The following FERMT1 variants were observed in gnomAD, a reference collection of about 807,000 sequenced individuals.
The protein encoded by FERMT1 is FERM domain containing kindlin 1, also known as fermitin family homolog 1.
A neutral mutation model predicts 85.3 loss-of-function variants in FERMT1; 60 were observed. That is an observed-to-expected ratio of 0.70 (90% CI 0.57 to 0.87). FERMT1 has a LOEUF of 0.87. Among genes scored for constraint, FERMT1 ranks in the 40% least tolerant of loss-of-function variants. The probability of loss-of-function intolerance (pLI) is 0.00; values close to 1 mark genes in which losing one functional copy is unlikely to be tolerated. For missense variants in FERMT1, 701 were observed against 818.9 expected, an observed-to-expected ratio of 0.86 and a Z score of 1.76; for synonymous variants, 275 against 301.1, an observed-to-expected ratio of 0.91 and a Z score of 0.90.
In FERMT1 at chr20:6,075,863, C is replaced by CA; in HGVS notation, c.*1309_*1310insT. The CA allele has an allele frequency of 6.6e-6, 1 of 152,474 alleles. No homozygotes were observed. The highest frequency in any genetic ancestry group is 1.9e-4 in the East Asian group (1 of 5,328). 9.4% of individuals were successfully genotyped at this position (152,474 alleles called of 1,614,324 possible). ...AAATATTGTCTGATATTTCCCTTTA[C>CA]TTCTGGTATTGCTTTTGACCTTCTC... On this transcript the variant is annotated 3_prime_UTR_variant, in exon 15 of 15. Coordinates refer to ENST00000217289, the MANE Select transcript of FERMT1 (RefSeq NM_017671.5).
chr20:6,111,424 G>T (rs911057056), intron 4 of FERMT1, among the ~76,000 whole-genome samples: 1 of 152,192 alleles, frequency 6.6e-6, no homozygotes, highest in South Asian at 2.1e-4. Context: ...TTGAGGCCAG[G>T]AGTTTGAGAC....
chr20:6,092,750 C>T (rs1452251826), intron 9 of FERMT1, among the ~76,000 whole-genome samples: 1 of 152,184 alleles, frequency 6.6e-6, no homozygotes, highest in East Asian at 1.9e-4. Context: ...TCAGTTCTCA[C>T]TTCCTGCTTC....
Position 6,076,584 on chromosome 20 carries a change from C to T in FERMT1, c.*589G>A, listed in dbSNP as rs1339680615. ...GGACAGATGACACTGAGGGCCACTC[C>T]TCTGACCTTGGGTTGTCAACTGCTA... On this transcript the variant is annotated 3_prime_UTR_variant, in exon 15 of 15. Coordinates refer to ENST00000217289, the MANE Select transcript of FERMT1 (RefSeq NM_017671.5). 6.8e-6 allele frequency: 3 copies of T among 439,342 alleles called. No individual in the cohort carries two copies. The highest frequency in any genetic ancestry group is 1.4e-5 in the Non-Finnish European group (3 of 217,894). 27.2% of individuals were successfully genotyped at this position (439,342 alleles called of 1,614,324 possible).
chr20:6,092,578 A>G (rs1484840853), intron 9 of FERMT1, among the ~76,000 whole-genome samples: 1 of 152,148 alleles, frequency 6.6e-6, no homozygotes, highest in Non-Finnish European at 1.5e-5. Context: ...TGTGTGTGAC[A>G]CAGCCTTGGC....
intron 13 of FERMT1, 28 bp downstream of exon 13, chr20:6,084,012 G>A (rs1982088271): frequency 1.2e-6 from 2 of 1,613,944 alleles, no homozygotes; most frequent in Non-Finnish European, 1.7e-6. Flanking sequence ...AATGGAAAGT[G>A]TGAGAAACAA....
intron 13 of FERMT1, among the ~76,000 whole-genome samples, chr20:6,080,939 A>C (rs187738328): frequency 6.6e-6 from 1 of 152,354 alleles, no homozygotes; most frequent in East Asian, 1.9e-4. Flanking sequence ...ATGAAGTCAA[A>C]AGAATGGCTG....
intron 5 of FERMT1, among the ~76,000 whole-genome samples, chr20:6,108,537 C>T (rs745417722): frequency 2.0e-4 from 31 of 152,016 alleles, no homozygotes; most frequent in Non-Finnish European, 2.6e-4. Flanking sequence ...CAGCAGGGTG[C>T]GGGGACTCAT....
At chr20:6,103,767 G>GTTTTTTTTTTTTTTTTT (rs66482243) in intron 6 of FERMT1, among the ~76,000 whole-genome samples, 1 of 102,072 alleles carries the variant, frequency 9.8e-6, no homozygotes, top group Non-Finnish European at 2.0e-5. Context: ...CTTTGTTATA[G>GTTTTTTTTTTTTTTTTT]TTTTTTTTTT....
At chr20:6,110,567 C>T (rs1465775106) in intron 4 of FERMT1, 56 bp from the exon 5 acceptor site, 1 of 1,322,374 alleles carries the variant, frequency 7.6e-7, no homozygotes, top group Admixed American at 1.7e-5. Flanking sequence ...TATAAATCTT[C>T]AAGAAAATAT....
intron 5 of FERMT1, among the ~76,000 whole-genome samples, chr20:6,110,027 A>T (rs1600445193): frequency 6.6e-6 from 1 of 152,332 alleles, no homozygotes; most frequent in Non-Finnish European, 1.5e-5. Context: ...TACATCCCAC[A>T]AAATATACTT....
chr20:6,085,604 C>T (rs566939735), intron 11 of FERMT1, among the ~76,000 whole-genome samples: 1 of 152,266 alleles, frequency 6.6e-6, no homozygotes, highest in East Asian at 1.9e-4. Context: ...TCATCCTCAA[C>T]TTTGGGAGGT....
At chr20:6,122,136 G>T (rs1459979878) in intron 1 of FERMT1, among the ~76,000 whole-genome samples, 1 of 152,142 alleles carries the variant, frequency 6.6e-6, no homozygotes, top group African/African-American at 2.4e-5. Flanking sequence ...ACTCATTCAG[G>T]CAATAGATGC....
At chr20:6,086,520 C>T (rs1426523933) in intron 11 of FERMT1, among the ~76,000 whole-genome samples, 4 of 152,124 alleles carry the variant, frequency 2.6e-5, no homozygotes, top group Middle Eastern at 3.2e-3. Context: ...GGGTGAGGAA[C>T]GTTGAATTAC....
intron 6 of FERMT1, among the ~76,000 whole-genome samples, chr20:6,102,697 A>AG (rs1381568986): frequency 1.5e-3 from 189 of 129,072 alleles, no homozygotes; most frequent in African/African-American, 5.1e-3. Flanking sequence ...AAAAAAAAAA[A>AG]AAAAGAAAAG....
chr20:6,079,352 C>A (rs1568652003), intron 14 of FERMT1, 84 bp downstream of exon 14: 19 of 1,406,688 alleles, frequency 1.4e-5, no homozygotes, highest in Non-Finnish European at 1.4e-5. Context: ...TAGAAGAACA[C>A]CTTTTAAAAC....
At chr20:6,078,025 C>T (rs1302332550) in intron 14 of FERMT1, among the ~76,000 whole-genome samples, 1 of 152,216 alleles carries the variant, frequency 6.6e-6, no homozygotes, top group Non-Finnish European at 1.5e-5. Flanking sequence ...TTTCCTACAG[C>T]CACTGCCCGG....
intron 11 of FERMT1, among the ~76,000 whole-genome samples, chr20:6,087,253 C>A (rs1470279834): frequency 6.6e-6 from 1 of 152,200 alleles, no homozygotes; most frequent in African/African-American, 2.4e-5. Flanking sequence ...TGACACCATC[C>A]TGGATCATCC....
Position 6,079,486 on chromosome 20 carries a change from A to G in FERMT1, c.1810T>C (p.Trp604Arg), listed in dbSNP as rs146487226. ...CACTGTTTGATATTTGTGAATCTCC[A>G]TGTTGTCACTGGAATCCCGGTGGCT... ...DAATGIPVTT[W>R]RFTNIKQWNV... The change falls in exon 14 of 15, where the codon TGG becomes CGG. Residue 604 changes from tryptophan to arginine, a missense_variant. By Grantham distance (101) the Trp-to-Arg change is moderately radical. Coordinates refer to ENST00000217289, the MANE Select transcript of FERMT1 (RefSeq NM_017671.5). 6.2e-6 allele frequency: 10 copies of G among 1,613,864 alleles called. No homozygotes were observed. Among genetic ancestry groups the G allele is most frequent in the African/African-American group, 1.3e-5 (1 of 74,914 alleles).
In FERMT1 at chr20:6,085,284, T is replaced by C; in HGVS notation, c.1375A>G (p.Asn459Asp). The change falls in exon 12 of 15, where the codon AAT becomes GAT. Residue 459 changes from asparagine to aspartate, a missense_variant. Transcript: ENST00000217289. ...NEMYLRCDHE[N>D]QYAQWMAACM... ...GCAGCCATCCATTGGGCGTATTGAT[T>C]CTCCTGCAGCAAACAGAAGGTTGAG... The C allele has an allele frequency of 1.2e-6, 2 of 1,613,162 alleles. No individual in the cohort carries two copies. Among genetic ancestry groups the C allele is most frequent in the South Asian group, 2.2e-5 (2 of 91,018 alleles).
Sources: allele counts gnomAD v4.1 joint callset (sites outside exome capture counted in the v4.1 genomes callset), GRCh38; gene constraint gnomAD v4.1.1; transcripts MANE v1.5; gene names NCBI Gene and HGNC (gene_info 2026-07-23, HGNC 2026-07-21).